The following FGF10 variants were observed in gnomAD, a reference collection of about 807,000 sequenced individuals.
FGF10 encodes the protein fibroblast growth factor 10.
In FGF10, 2 loss-of-function variants were observed where a neutral mutation model predicts 19.8. That is an observed-to-expected ratio of 0.10 (90% confidence interval 0.04 to 0.32). The LOEUF is 0.32. Ranked by LOEUF, FGF10 falls within the 10% of genes least tolerant of loss-of-function variation. The probability of loss-of-function intolerance (pLI) is 1.00; values close to 1 mark genes in which losing one functional copy is unlikely to be tolerated. For missense variants in FGF10, 191 were observed against 246.3 expected, an observed-to-expected ratio of 0.78 and a Z score of 1.50; for synonymous variants, 112 against 94.0, an observed-to-expected ratio of 1.19 and a Z score of -1.10.
At chr5:44,335,350 A>G (rs1381611277) in intron 1 of FGF10, among the ~76,000 whole-genome samples, 3 of 152,080 alleles carry the variant, frequency 2.0e-5, no homozygotes, top group Admixed American at 6.6e-5. Context: ...GTATCAAGTT[A>G]AACTCTAGTG....
intron 2 of FGF10, among the ~76,000 whole-genome samples, chr5:44,309,525 A>G (rs1052651275): frequency 6.6e-6 from 1 of 152,150 alleles, no homozygotes; most frequent in African/African-American, 2.4e-5. Flanking sequence ...ATTTGAAGTC[A>G]AGGCCCATTT....
At chr5:44,326,745 G>C (rs1215851156) in intron 1 of FGF10, among the ~76,000 whole-genome samples, 2 of 151,990 alleles carry the variant, frequency 1.3e-5, no homozygotes, top group African/African-American at 4.8e-5. Flanking sequence ...TCTCTTACCT[G>C]ATGCTGTACT....
At chr5:44,312,990 T>C (rs1252688767) in intron 1 of FGF10, among the ~76,000 whole-genome samples, 2 of 152,096 alleles carry the variant, frequency 1.3e-5, no homozygotes, top group East Asian at 3.9e-4. Flanking sequence ...CTTTGTTTCT[T>C]TCTGCTTTAC....
At chr5:44,353,536 A>G (rs1349838384) in intron 1 of FGF10, among the ~76,000 whole-genome samples, 2 of 151,532 alleles carry the variant, frequency 1.3e-5, no homozygotes, top group African/African-American at 4.8e-5. Context: ...CCCCTTGGTA[A>G]TTATGTAGAA....
intron 1 of FGF10, among the ~76,000 whole-genome samples, chr5:44,357,126 A>AC (rs1741366959): frequency 6.6e-6 from 1 of 151,490 alleles, no homozygotes; most frequent in Non-Finnish European, 1.5e-5. Context: ...CATAAAAAAA[A>AC]AACAACATTC....
intron 1 of FGF10, among the ~76,000 whole-genome samples, chr5:44,351,117 T>G (rs1741223003): frequency 6.6e-6 from 1 of 151,514 alleles, no homozygotes; most frequent in African/African-American, 2.4e-5. Flanking sequence ...TTATTGTGTC[T>G]AAAAATACTC....
chr5:44,379,742 T>G (rs148771369), intron 1 of FGF10, among the ~76,000 whole-genome samples: 1 of 152,318 alleles, frequency 6.6e-6, no homozygotes, highest in Non-Finnish European at 1.5e-5. Context: ...TCTTGTCATG[T>G]CAGCCCTTTC....
At chr5:44,348,041 A>G (rs1163953535) in intron 1 of FGF10, among the ~76,000 whole-genome samples, 1 of 151,720 alleles carries the variant, frequency 6.6e-6, no homozygotes, top group Non-Finnish European at 1.5e-5. Flanking sequence ...TAAAATGTAA[A>G]TAGAATGTGT....
At chr5:44,324,632 T>C (rs915865716) in intron 1 of FGF10, among the ~76,000 whole-genome samples, 2 of 152,168 alleles carry the variant, frequency 1.3e-5, no homozygotes, top group Non-Finnish European at 2.9e-5. Context: ...TGTTGTCAGA[T>C]AATTATTAAA....
chr5:44,384,808 T>C (rs1183811146), intron 1 of FGF10, among the ~76,000 whole-genome samples: 5 of 152,158 alleles, frequency 3.3e-5, no homozygotes, highest in Non-Finnish European at 5.9e-5. Context: ...TGCCTCCCAT[T>C]CTTCTTTCCC....
chr5:44,373,083 G>A (rs1741778166), intron 1 of FGF10, among the ~76,000 whole-genome samples: 1 of 152,160 alleles, frequency 6.6e-6, no homozygotes, highest in Non-Finnish European at 1.5e-5. Flanking sequence ...GTCTATTTTA[G>A]TTCCAGCTGG....
At chr5:44,311,762 T>C (rs1406468796) in intron 1 of FGF10, among the ~76,000 whole-genome samples, 2 of 152,126 alleles carry the variant, frequency 1.3e-5, no homozygotes, top group Non-Finnish European at 2.9e-5. Flanking sequence ...ATTGGCTTAA[T>C]ACATGAAATC....
chr5:44,329,448 T>C (rs1037247567), intron 1 of FGF10, among the ~76,000 whole-genome samples: 5 of 152,162 alleles, frequency 3.3e-5, no homozygotes, highest in Non-Finnish European at 7.4e-5. Context: ...GTGCTGGGAT[T>C]ACAGGTGTGA....
chr5:44,350,786 T>G (rs1174821338), intron 1 of FGF10, among the ~76,000 whole-genome samples: 1 of 151,298 alleles, frequency 6.6e-6, no homozygotes, highest in Non-Finnish European at 1.5e-5. Context: ...ATTATTAAAT[T>G]ACTATGGCTC....
At chr5:44,376,399 T>G (rs535343231) in intron 1 of FGF10, among the ~76,000 whole-genome samples, 1 of 150,424 alleles carries the variant, frequency 6.6e-6, no homozygotes, top group South Asian at 2.1e-4. Flanking sequence ...TTACATGTAC[T>G]CCTTTTCCAG....
intron 1 of FGF10, among the ~76,000 whole-genome samples, chr5:44,365,365 A>AG (rs1554038979): frequency 2.6e-5 from 4 of 151,086 alleles, no homozygotes; most frequent in Non-Finnish European, 4.4e-5. Flanking sequence ...AAAAAAAAAA[A>AG]AGAGAGAGGT....
At position 44,304,862 on chromosome 5, in the gene FGF10, G is replaced by A; in HGVS notation, c.*133C>T. ...GCAGTGAATACAAAAACCTTCAAAG[G>A]CTGGCTTTCTTTTAAGCAAGCAGAC... On this transcript the variant is annotated 3_prime_UTR_variant, in exon 3 of 3. Coordinates refer to ENST00000264664, the MANE Select transcript of FGF10 (RefSeq NM_004465.2). 1 of 851,520 alleles carries A rather than the reference G, an allele frequency of 1.2e-6. No homozygotes were observed. The highest frequency in any genetic ancestry group is 2.0e-6 in the Non-Finnish European group (1 of 506,716). 52.7% of individuals were successfully genotyped at this position (851,520 alleles called of 1,614,324 possible). A position where few individuals can be genotyped will look rare whatever the true frequency, so the allele number is the denominator to read the frequency against.
In FGF10 at chr5:44,302,075, A is replaced by ATT. The variant is rs1042558892; in HGVS notation, c.*2918_*2919dup. Among the ~76,000 whole-genome samples the ATT allele has an allele frequency of 6.8e-6, 1 of 146,828 alleles. No homozygotes were observed. Among genetic ancestry groups the ATT allele is most frequent in the East Asian group, 2.0e-4 (1 of 5,052 alleles). On this transcript the variant is annotated 3_prime_UTR_variant, in exon 3 of 3. Coordinates refer to ENST00000264664, the MANE Select transcript of FGF10 (RefSeq NM_004465.2). The stretch of plus-strand genomic sequence containing the variant: ...AGAGGCAGATCTCTCAATAGCTCCA[A>ATT]TTTTTTTTTTTTTCAAATCTACAAC...
At chr5:44,342,226 T>C (rs1189495576) in intron 1 of FGF10, among the ~76,000 whole-genome samples, 2 of 151,942 alleles carry the variant, frequency 1.3e-5, no homozygotes, top group Non-Finnish European at 2.9e-5. Context: ...TGCACACTTA[T>C]GAAGTAGCCC....
Sources: allele counts gnomAD v4.1 joint callset (sites outside exome capture counted in the v4.1 genomes callset), GRCh38; gene constraint gnomAD v4.1.1; transcripts MANE v1.5; gene names NCBI Gene and HGNC (gene_info 2026-07-23, HGNC 2026-07-21).